The following MICU1 variants were observed in gnomAD, a reference collection of about 807,000 sequenced individuals.
The protein encoded by MICU1 is calcium uptake protein 1, mitochondrial.
A neutral mutation model predicts 56.8 loss-of-function variants in MICU1; 45 were observed. The observed-to-expected ratio is 0.79, with a 90% CI of 0.62 to 1.02. The LOEUF (loss-of-function observed/expected upper bound fraction) is 1.02. Ranked by LOEUF, MICU1 falls within the 50% of genes least tolerant of loss-of-function variation. The pLI is 0.00. For synonymous variants in MICU1, 186 were observed against 195.1 expected, an observed-to-expected ratio of 0.95 and a Z score of 0.39; for missense variants, 504 against 587.1, an observed-to-expected ratio of 0.86 and a Z score of 1.46.
At chr10:72,466,641 C>A (rs918587441) in intron 8 of MICU1, among the ~76,000 whole-genome samples, 4 of 152,168 alleles carry the variant, frequency 2.6e-5, no homozygotes, top group Non-Finnish European at 4.4e-5. Flanking sequence ...CCCCAGAGAA[C>A]AAAACCAACA....
intron 8 of MICU1, chr10:72,467,629 T>C (rs1865833918): frequency 6.6e-6 from 1 of 152,160 alleles, no homozygotes; most frequent in Non-Finnish European, 1.5e-5. Flanking sequence ...CTTGTCTCTA[T>C]TCTTATTGAC....
chr10:72,565,235 A>C (rs1434282370), intron 2 of MICU1, among the ~76,000 whole-genome samples: 1 of 152,062 alleles, frequency 6.6e-6, no homozygotes, highest in Non-Finnish European at 1.5e-5. Context: ...ACTTGGAACC[A>C]ACCCAAATGT....
intron 8 of MICU1, among the ~76,000 whole-genome samples, chr10:72,464,291 G>C (rs1210773354): frequency 2.5e-5 from 2 of 79,020 alleles, no homozygotes; most frequent in Non-Finnish European, 4.7e-5. Context: ...GTGAGATTCT[G>C]TCTCAAAAAA....
chr10:72,448,538 G>A (rs1865195634), intron 8 of MICU1, among the ~76,000 whole-genome samples: 1 of 152,140 alleles, frequency 6.6e-6, no homozygotes, highest in East Asian at 1.9e-4. Flanking sequence ...GAAAAGGAGA[G>A]CTAGAGATTG....
intron 1 of MICU1, among the ~76,000 whole-genome samples, chr10:72,593,928 A>C (rs1383621223): frequency 6.6e-6 from 1 of 152,242 alleles, no homozygotes; most frequent in Admixed American, 6.5e-5. Context: ...AATACTGTTA[A>C]GATACAATAC....
At chr10:72,432,819 T>G (rs1461046294) in intron 8 of MICU1, among the ~76,000 whole-genome samples, 2 of 152,166 alleles carry the variant, frequency 1.3e-5, no homozygotes, top group Admixed American at 1.3e-4. Context: ...CATTTCAACA[T>G]GAGATTTGTA....
intron 10 of MICU1, among the ~76,000 whole-genome samples, chr10:72,392,902 C>G (rs1863125579): frequency 6.6e-6 from 1 of 152,220 alleles, no homozygotes; most frequent in South Asian, 2.1e-4. Flanking sequence ...CATCTGGGAG[C>G]ATGGAAGGAT....
At position 72,421,770 on chromosome 10, in the gene MICU1, A is replaced by G. The variant is rs184629637; in HGVS notation, c.1071+1464T>C. ...TGCTCTTCTCCAAACTATCTTCCAT[A>G]AAACAGCCAGAGTTGTCTCTTTAAA... is the stretch of plus-strand genomic sequence containing the variant. On this transcript the variant is annotated intron_variant, in intron 9 of 11. Coordinates refer to ENST00000361114, the MANE Select transcript of MICU1 (RefSeq NM_001195518.2). Among the ~76,000 whole-genome samples, 14 of 152,288 alleles carry G rather than the reference A, an allele frequency of 9.2e-5. No homozygotes were observed. The East Asian group carries it at 2.7e-3, about 29-fold the overall frequency.
At chr10:72,399,914 C>T (rs1358715778) in intron 10 of MICU1, among the ~76,000 whole-genome samples, 2 of 152,078 alleles carry the variant, frequency 1.3e-5, no homozygotes, top group Non-Finnish European at 2.9e-5. Flanking sequence ...GCTGAAACTG[C>T]GCCGCTGAAC....
At chr10:72,473,873 T>C (rs1351065583) in intron 8 of MICU1, among the ~76,000 whole-genome samples, 1 of 152,178 alleles carries the variant, frequency 6.6e-6, no homozygotes, top group Non-Finnish European at 1.5e-5. Flanking sequence ...AAAAACAACA[T>C]AGCACCTTTC....
intron 10 of MICU1, among the ~76,000 whole-genome samples, chr10:72,406,845 T>G (rs1348129626): frequency 6.6e-6 from 1 of 152,170 alleles, no homozygotes; most frequent in Non-Finnish European, 1.5e-5. Flanking sequence ...CAGGCTGGTC[T>G]CAAACTCCTG....
chr10:72,586,697 T>G (rs1030165350), intron 1 of MICU1, among the ~76,000 whole-genome samples: 2 of 152,090 alleles, frequency 1.3e-5, no homozygotes, highest in Admixed American at 1.3e-4. Flanking sequence ...TGTATTTGAT[T>G]ATTCACTTGG....
At chr10:72,601,155 T>C (rs1841522143) in intron 1 of MICU1, among the ~76,000 whole-genome samples, 1 of 152,036 alleles carries the variant, frequency 6.6e-6, no homozygotes, top group Non-Finnish European at 1.5e-5. Flanking sequence ...AGTGCAGTGG[T>C]TCAGACCTGT....
chr10:72,387,673 A>G (rs1223582045), intron 10 of MICU1, among the ~76,000 whole-genome samples: 2 of 152,136 alleles, frequency 1.3e-5, no homozygotes, highest in Non-Finnish European at 2.9e-5. Context: ...TAATGAGTAT[A>G]AACAACTTAG....
At chr10:72,532,995 C>G (rs1174070606) in intron 5 of MICU1, 2 of 1,286,348 alleles carry the variant, frequency 1.6e-6, no homozygotes, top group Non-Finnish European at 2.0e-6. Context: ...GTGATCCTGC[C>G]TTTTCCAGCC....
At chr10:72,467,675 CTT>C (rs1441538752) in intron 8 of MICU1, 1 of 152,108 alleles carries the variant, frequency 6.6e-6, no homozygotes. Context: ...TTATATCTCT[CTT>C]TTTCTTTCTG....
chr10:72,518,734 G>A (rs1867730631), intron 5 of MICU1, among the ~76,000 whole-genome samples: 1 of 152,136 alleles, frequency 6.6e-6, no homozygotes, highest in African/African-American at 2.4e-5. Flanking sequence ...CCAGGCTGAA[G>A]TGCAGTGGAA....
At chr10:72,453,095 T>C (rs1564878337) in intron 8 of MICU1, among the ~76,000 whole-genome samples, 1 of 152,176 alleles carries the variant, frequency 6.6e-6, no homozygotes, top group African/African-American at 2.4e-5. Context: ...AATAAATGAT[T>C]ACATGTGCAA....
chr10:72,393,679 G>C (rs1406847373), intron 10 of MICU1, among the ~76,000 whole-genome samples: 2 of 152,116 alleles, frequency 1.3e-5, no homozygotes, highest in Non-Finnish European at 2.9e-5. Context: ...GCAGATGCAG[G>C]GTACGTTCTG....
Sources: gnomAD v4.1 joint callset for allele counts (sites outside exome capture counted in the v4.1 genomes callset) on GRCh38, gnomAD v4.1.1 for gene constraint, MANE v1.5 for transcripts, NCBI Gene and HGNC (gene_info 2026-07-23, HGNC 2026-07-21) for gene names.